Variants in PICALM observed in about 807,000 individuals in gnomAD.
The protein encoded by PICALM is phosphatidylinositol binding clathrin assembly protein.
In PICALM, 40 loss-of-function variants were observed where a neutral mutation model predicts 80.5. That is an observed-to-expected ratio of 0.50 (90% CI 0.39 to 0.65). The LOEUF (loss-of-function observed/expected upper bound fraction) is 0.65, where lower values mean the gene tolerates loss of function less well. Among genes scored for constraint, PICALM ranks in the 30% least tolerant of loss-of-function variants. The pLI, the probability that PICALM is intolerant of heterozygous loss-of-function variation, is 0.00. For missense variants in PICALM, 676 were observed against 778.9 expected, an observed-to-expected ratio of 0.87 and a Z score of 1.57; for synonymous variants, 288 against 260.3, an observed-to-expected ratio of 1.11 and a Z score of -1.02.
intron 1 of PICALM, among the ~76,000 whole-genome samples, chr11:86,032,600 T>C (rs1446670935): frequency 3.9e-5 from 6 of 152,182 alleles, no homozygotes; most frequent in African/African-American, 1.4e-4. Flanking sequence ...CACTCCAGCC[T>C]GGGCAACAGA....
chr11:86,000,952 GACTCT>G, intron 10 of PICALM, 78 bp downstream of exon 10: 1 of 1,535,118 alleles, frequency 6.5e-7, no homozygotes, highest in Non-Finnish European at 8.9e-7. Flanking sequence ...ATACATTTAA[GACTCT>G]AAGTCTGTGC....
chr11:86,049,265 A>G (rs2096134300), intron 1 of PICALM, among the ~76,000 whole-genome samples: 1 of 152,220 alleles, frequency 6.6e-6, no homozygotes, highest in South Asian at 2.1e-4. Flanking sequence ...CCTGGGTGAC[A>G]AAGCAAGACT....
At position 85,995,575 on chromosome 11, in the gene PICALM, T is replaced by A. The variant is rs147946915; in HGVS notation, c.1258+1251A>T. 3.2e-3 allele frequency among the ~76,000 whole-genome samples: 481 copies of A among 152,288 alleles called. 3 individuals carry two copies. The highest frequency in any genetic ancestry group is 0.011 in the African/African-American group (464 of 41,564). Reference sequence around the variant, plus strand: ...AGCTTCTTTGAAATGTTTAATATATTTTTATTTGGCCTTCTATAAAATTTT... The same window carrying A: ...AGCTTCTTTGAAATGTTTAATATATATTTATTTGGCCTTCTATAAAATTTT... On this transcript the variant is annotated intron_variant, in intron 12 of 19. Transcript: ENST00000393346.
chr11:86,054,693 C>T lies in PICALM; in HGVS notation c.130+13958G>A, dbSNP rs2096243442. On this transcript the variant is annotated intron_variant, in intron 1 of 19. Transcript: ENST00000393346. ...ATGTAAAAATTTATTATGCATTTAC[C>T]TTAATGTATTATAATCAATTATTAG... 2.6e-5 allele frequency among the ~76,000 whole-genome samples: 4 copies of T among 152,234 alleles called. No individual in the cohort carries two copies. The South Asian group carries it at 8.3e-4, about 32-fold the overall frequency.
chr11:86,019,526 A>G (rs11234516), intron 4 of PICALM, among the ~76,000 whole-genome samples: 1 of 152,214 alleles, frequency 6.6e-6, no homozygotes, highest in African/African-American at 2.4e-5. Flanking sequence ...AAAATCTATT[A>G]TTCTGAAATC....
At chr11:85,966,745 CA>C (rs1432821444) in intron 19 of PICALM, among the ~76,000 whole-genome samples, 1 of 152,104 alleles carries the variant, frequency 6.6e-6, no homozygotes, top group Non-Finnish European at 1.5e-5. Context: ...ATTTGATGAC[CA>C]GTGTCCTTAT....
chr11:86,013,298 G>A (rs2095429464), intron 5 of PICALM, among the ~76,000 whole-genome samples: 6 of 152,056 alleles, frequency 3.9e-5, no homozygotes. Context: ...CAGGGTGACA[G>A]AGAAAAATGC....
Position 86,000,669 on chromosome 11 carries a change from T to C in PICALM, c.1128A>G (p.Ile376Met), listed in dbSNP as rs974352065. Residue 376 changes from isoleucine (I) to methionine (M), a missense_variant, in exon 11 of 20, where the codon ATA becomes ATG. Coordinates refer to ENST00000393346, the MANE Select transcript of PICALM (RefSeq NM_007166.4). ...GGIMTAPAID[I>M]FSTPSSSNST... ...TGTTAGAAGAACTAGGGGTAGAAAA[T>C]ATGTCAATGGCTGGTGCAGTCATTA... is the stretch of plus-strand genomic sequence containing the variant. 4.3e-6 allele frequency: 7 copies of C among 1,612,164 alleles called. No homozygotes were observed. The highest frequency in any genetic ancestry group is 2.2e-5 in the South Asian group (2 of 90,990).
intron 13 of PICALM, among the ~76,000 whole-genome samples, chr11:85,985,446 T>C (rs2135787667): frequency 6.6e-6 from 1 of 152,320 alleles, no homozygotes; most frequent in East Asian, 1.9e-4. Flanking sequence ...ACCAGTTTGA[T>C]CTTGTTCCAT....
At chr11:86,067,770 G>A (rs958894247) in intron 1 of PICALM, among the ~76,000 whole-genome samples, 1 of 97,480 alleles carries the variant, frequency 1.0e-5, no homozygotes, top group African/African-American at 4.0e-5. Flanking sequence ...AACAGTTCCA[G>A]GAACTGATAA....
chr11:86,042,191 T>C (rs769000957), intron 1 of PICALM, among the ~76,000 whole-genome samples: 32 of 152,282 alleles, frequency 2.1e-4, no homozygotes, highest in Non-Finnish European at 4.4e-4. Flanking sequence ...ATTCTAGTAC[T>C]CTAAAGTGGT....
chr11:86,004,919 A>G (rs1361121270), intron 8 of PICALM, among the ~76,000 whole-genome samples: 1 of 152,194 alleles, frequency 6.6e-6, no homozygotes, highest in Non-Finnish European at 1.5e-5. Context: ...CAGCCCCAGC[A>G]AAAATGTTTG....
chr11:85,986,651 G>C (rs559211631), intron 13 of PICALM, among the ~76,000 whole-genome samples: 1 of 151,588 alleles, frequency 6.6e-6, no homozygotes, highest in South Asian at 2.1e-4. Context: ...CGGCCTCCCA[G>C]AGTGCTGGGA....
At chr11:86,055,146 C>G (rs992898103) in intron 1 of PICALM, among the ~76,000 whole-genome samples, 9 of 151,798 alleles carry the variant, frequency 5.9e-5, no homozygotes, top group Non-Finnish European at 8.8e-5. Flanking sequence ...GCCTGGACAA[C>G]ATGGTGAAAC....
chr11:85,975,909 T>G (rs377280510), intron 18 of PICALM, among the ~76,000 whole-genome samples: 3 of 152,284 alleles, frequency 2.0e-5, no homozygotes, highest in African/African-American at 7.2e-5. Context: ...AGCAGACATT[T>G]TAATGCAATG....
chr11:86,042,518 G>A (rs2095991676), intron 1 of PICALM, among the ~76,000 whole-genome samples: 1 of 151,900 alleles, frequency 6.6e-6, no homozygotes, highest in African/African-American at 2.4e-5. Context: ...ATTTCACAAT[G>A]ACAACCCCAC....
intron 1 of PICALM, among the ~76,000 whole-genome samples, chr11:86,068,356 G>T (rs957205217): frequency 6.6e-6 from 1 of 152,192 alleles, no homozygotes; most frequent in East Asian, 1.9e-4. Flanking sequence ...GCCAGGTGGG[G>T]AAGCAAGTTG....
At chr11:86,007,959 A>C (rs965705280) in intron 7 of PICALM, among the ~76,000 whole-genome samples, 11 of 152,038 alleles carry the variant, frequency 7.2e-5, no homozygotes, top group Non-Finnish European at 1.5e-4. Context: ...TTGATGCAAA[A>C]AAAAAAAAAA....
chr11:86,064,784 AG>A (rs761899576), intron 1 of PICALM, among the ~76,000 whole-genome samples: 81 of 152,234 alleles, frequency 5.3e-4, no homozygotes, highest in Non-Finnish European at 9.8e-4. Flanking sequence ...ATCAAAAAAT[AG>A]GATAAGGGCC....
Sources: gnomAD v4.1 joint callset for allele counts (sites outside exome capture counted in the v4.1 genomes callset) on GRCh38, gnomAD v4.1.1 for gene constraint, MANE v1.5 for transcripts, NCBI Gene and HGNC (gene_info 2026-07-23, HGNC 2026-07-21) for gene names.